The following AGBL1 variants were observed in gnomAD, a reference collection of about 807,000 sequenced individuals.
The protein encoded by AGBL1 is cytosolic carboxypeptidase 4.
A neutral mutation model predicts 118.9 loss-of-function variants in AGBL1; 130 were observed. That is an observed-to-expected ratio of 1.09 (90% CI 0.95 to 1.26). The LOEUF is 1.26. Among genes scored for constraint, AGBL1 ranks in the 50% most tolerant of loss-of-function variants. AGBL1 has a pLI of 0.00. For missense variants in AGBL1, 1,584 were observed against 1,298.1 expected (o/e 1.22, Z -3.38); for synonymous variants, 555 against 478.9 (o/e 1.16, Z -2.08).
At chr15:86,279,592 C>A in intron 15 of AGBL1, 47 bp from the exon 16 acceptor site, 1 of 1,584,916 alleles carries the variant, frequency 6.3e-7, no homozygotes, top group Non-Finnish European at 8.7e-7. Flanking sequence ...CTGCACCCCC[C>A]TCCCACCTCT....
exon 25 of AGBL1, chr15:87,028,861 C>G (rs1340908413): frequency 1.3e-6 from 2 of 1,598,918 alleles, no homozygotes; most frequent in East Asian, 4.5e-5. Flanking sequence ...TTCAAATGAG[C>G]AAGTATTGAA....
intron 21 of AGBL1, among the ~76,000 whole-genome samples, chr15:86,574,513 C>G (rs1686666729): frequency 6.6e-6 from 1 of 150,744 alleles, no homozygotes; most frequent in South Asian, 2.1e-4. Context: ...GCTGACATAT[C>G]TGAAGGAATC....
At chr15:86,115,655 G>T (rs141114106) in intron 1 of AGBL1, among the ~76,000 whole-genome samples, 6 of 152,192 alleles carry the variant, frequency 3.9e-5, no homozygotes, top group Non-Finnish European at 7.4e-5. Flanking sequence ...CTTCTCATTG[G>T]TGCCTCATTT....
intron 22 of AGBL1, among the ~76,000 whole-genome samples, chr15:86,765,849 A>G (rs950304148): frequency 2.6e-5 from 4 of 151,998 alleles, no homozygotes. Context: ...GGGACCTGAC[A>G]TGACATATGG....
intron 22 of AGBL1, among the ~76,000 whole-genome samples, chr15:86,687,272 C>T (rs1034163134): frequency 6.6e-6 from 1 of 152,072 alleles, no homozygotes; most frequent in Non-Finnish European, 1.5e-5. Flanking sequence ...TTGTCAGGCA[C>T]CTCTGTCTGC....
At chr15:86,704,771 C>T (rs1170126675) in intron 22 of AGBL1, among the ~76,000 whole-genome samples, 1 of 152,166 alleles carries the variant, frequency 6.6e-6, no homozygotes, top group African/African-American at 2.4e-5. Flanking sequence ...ACCCAACAAT[C>T]CCATTACTGG....
intron 22 of AGBL1, among the ~76,000 whole-genome samples, chr15:86,743,373 G>A (rs1014635): frequency 0.11 from 16,589 of 152,048 alleles, 936 homozygotes; most frequent in East Asian, 0.17. Flanking sequence ...CCTAGGTTCT[G>A]GGGAACATCT....
In AGBL1 at chr15:86,441,978, A is replaced by G. The variant is rs143942276; in HGVS notation, c.2555+44432A>G. Among the ~76,000 whole-genome samples, 61 of 152,352 alleles carry G rather than the reference A, an allele frequency of 4.0e-4. 1 individual carries two copies. The East Asian group carries it at 7.9e-3, about 20-fold the overall frequency. ...CTGTGTATCAAAGGGAAAGCTGCCA[A>G]ATCCACAAGGGTGGGGTAGATGGTA... is the stretch of plus-strand genomic sequence containing the variant. On this transcript the variant is annotated intron_variant, in intron 18 of 22. Coordinates refer to ENST00000614907, the MANE Select transcript of AGBL1 (RefSeq NM_001386094.1).
chr15:86,577,558 T>C (rs2084109526), intron 21 of AGBL1, among the ~76,000 whole-genome samples: 2 of 151,956 alleles, frequency 1.3e-5, no homozygotes, highest in Admixed American at 1.3e-4. Flanking sequence ...CCCAAGACAA[T>C]GGGGAAAATG....
At chr15:86,723,494 G>A (rs370563220) in intron 22 of AGBL1, among the ~76,000 whole-genome samples, 78 of 152,166 alleles carry the variant, frequency 5.1e-4, no homozygotes, top group Middle Eastern at 6.8e-3. Context: ...ATCACACACC[G>A]GGGACTATTG....
chr15:86,765,549 TG>T (rs2078085576), intron 22 of AGBL1, among the ~76,000 whole-genome samples: 1 of 151,904 alleles, frequency 6.6e-6, no homozygotes, highest in Non-Finnish European at 1.5e-5. Flanking sequence ...GTGAAACAGA[TG>T]GGGAACACAT....
In AGBL1 at chr15:86,636,750, TATATATATAC is replaced by T. The variant is rs1489813489; in HGVS notation, c.2995-37521_2995-37512del. On this transcript the variant is annotated intron_variant, in intron 21 of 22. Coordinates refer to ENST00000614907, the MANE Select transcript of AGBL1 (RefSeq NM_001386094.1). ...ATATATATATATATATATATATATA[TATATATATAC>T]ACATACATACAGAAAGGCAAGAGAA... is the stretch of plus-strand genomic sequence containing the variant. 3.1e-3 allele frequency among the ~76,000 whole-genome samples: 185 copies of T among 59,228 alleles called. 6 individuals carry two copies. The highest frequency in any genetic ancestry group is 7.7e-3 in the African/African-American group (78 of 10,162). 38.9% of individuals were successfully genotyped at this position (59,228 alleles called of 152,430 possible). A position where few individuals can be genotyped will look rare whatever the true frequency, so the allele number is the denominator to read the frequency against.
intron 18 of AGBL1, among the ~76,000 whole-genome samples, chr15:86,490,210 T>G (rs1177032427): frequency 6.6e-6 from 1 of 152,076 alleles, no homozygotes; most frequent in Non-Finnish European, 1.5e-5. Flanking sequence ...CTGCTGAAAG[T>G]AACATAATTA....
At chr15:86,616,349 A>AT (rs1567085004) in intron 21 of AGBL1, among the ~76,000 whole-genome samples, 1 of 80,630 alleles carries the variant, frequency 1.2e-5, no homozygotes, top group African/African-American at 3.8e-5. Flanking sequence ...CAAAAAAAAA[A>AT]AAAAAAAAAA....
intron 1 of AGBL1, among the ~76,000 whole-genome samples, chr15:86,136,572 C>T (rs924058177): frequency 6.6e-6 from 1 of 152,170 alleles, no homozygotes; most frequent in African/African-American, 2.4e-5. Context: ...TTAACATATG[C>T]TACAAAGAGT....
chr15:86,736,118 C>G (rs1049199302), intron 22 of AGBL1, among the ~76,000 whole-genome samples: 3 of 152,122 alleles, frequency 2.0e-5, no homozygotes, highest in Non-Finnish European at 4.4e-5. Context: ...CATGGTGACT[C>G]TCGCCTATAA....
intron 23 of AGBL1, among the ~76,000 whole-genome samples, chr15:86,969,097 A>G (rs1189122675): frequency 6.6e-6 from 1 of 151,960 alleles, no homozygotes; most frequent in African/African-American, 2.4e-5. Context: ...TATGCAAACT[A>G]TATTAATTCC....
At chr15:86,336,686 A>G (rs992486722) in intron 17 of AGBL1, among the ~76,000 whole-genome samples, 5 of 152,340 alleles carry the variant, frequency 3.3e-5, no homozygotes, top group Admixed American at 2.6e-4. Flanking sequence ...GGGAATAGCA[A>G]GCAAGACACT....
intron 22 of AGBL1, among the ~76,000 whole-genome samples, chr15:86,790,252 A>G (rs2078471787): frequency 6.6e-6 from 1 of 152,078 alleles, no homozygotes; most frequent in Admixed American, 6.6e-5. Context: ...GCATTTGGGT[A>G]ACATTATCAA....
Sources: gnomAD v4.1 joint callset for allele counts (sites outside exome capture counted in the v4.1 genomes callset) on GRCh38, gnomAD v4.1.1 for gene constraint, MANE v1.5 for transcripts, NCBI Gene and HGNC (gene_info 2026-07-23, HGNC 2026-07-21) for gene names.